ZNF516: variants seen among roughly 807,000 people sequenced by gnomAD.
The protein encoded by ZNF516 is zinc finger protein 516.
In ZNF516, 19 loss-of-function variants were observed where a neutral mutation model predicts 79.7. The observed-to-expected ratio is 0.24, with a 90% confidence interval of 0.17 to 0.35. ZNF516 has a LOEUF of 0.35. Ranked by LOEUF, ZNF516 falls within the 10% of genes least tolerant of loss-of-function variation. The probability of loss-of-function intolerance (pLI) is 1.00; values close to 1 mark genes in which losing one functional copy is unlikely to be tolerated. For synonymous variants in ZNF516, 877 were observed against 739.5 expected (o/e 1.19, Z -3.02); for missense variants, 1,678 against 1,679.5 (o/e 1.00, Z 0.02).
intron 3 of ZNF516, among the ~76,000 whole-genome samples, chr18:76,424,505 G>C (rs1599066673): frequency 7.0e-6 from 1 of 142,080 alleles, no homozygotes; most frequent in South Asian, 2.3e-4. Context: ...CAGGTGAAAA[G>C]GTTCCCCCAT....
In ZNF516 at chr18:76,391,063, C is replaced by G. The variant is rs960171029; in HGVS notation, c.1811-10760G>C. ...CACGAGGGAAGGAACCCAGGCACAG[C>G]AGGTACGGAAGGTGGGGACACCAGG... On this transcript the variant is annotated intron_variant, in intron 3 of 6. Coordinates refer to ENST00000443185, the MANE Select transcript of ZNF516 (RefSeq NM_014643.4). 2.0e-5 allele frequency among the ~76,000 whole-genome samples: 3 copies of G among 152,096 alleles called. No homozygotes were observed. In the East Asian group the frequency reaches 5.8e-4, roughly 29 times the overall value.
intron 1 of ZNF516, among the ~76,000 whole-genome samples, chr18:76,482,816 C>G (rs931106080): frequency 1.3e-5 from 2 of 152,112 alleles, no homozygotes; most frequent in Non-Finnish European, 2.9e-5. Context: ...GATACTCAAA[C>G]GAGCCTGCAA....
intron 1 of ZNF516, among the ~76,000 whole-genome samples, chr18:76,486,171 T>C (rs1316620427): frequency 6.6e-6 from 1 of 152,202 alleles, no homozygotes; most frequent in Admixed American, 6.5e-5. Context: ...CACCCTTAAG[T>C]ATCAACTGAG....
At chr18:76,418,176 C>T (rs2075457231) in intron 3 of ZNF516, among the ~76,000 whole-genome samples, 1 of 152,026 alleles carries the variant, frequency 6.6e-6, no homozygotes, top group Non-Finnish European at 1.5e-5. Context: ...GTAACACACG[C>T]TGCAACACAT....
rs748089031 is a variant in ZNF516 at position 76,442,232 on chromosome 18, C to A, written c.823G>T (p.Asp275Tyr). The A allele has an allele frequency of 6.2e-7, 1 of 1,613,744 alleles. No individual in the cohort carries two copies. Among genetic ancestry groups the A allele is most frequent in the Non-Finnish European group, 8.5e-7 (1 of 1,179,858 alleles). The change falls in exon 3 of 7, where the codon GAC becomes TAC. Residue 275 changes from aspartate (D) to tyrosine (Y), a missense_variant. Physicochemically the swap from Asp to Tyr is radical, Grantham distance 160. Around this residue, in one of 5 missense-constraint regions of ZNF516, gnomAD observed 17 missense variants for 51.8 expected, o/e 0.33. Transcript: ENST00000443185. ...CGGCCGCAGATGTGGCAGCCGTGGT[C>A]GAAGGAGCCCCGGTGCTTCTTCATG... ...AHMKKHRGSF[D>Y]HGCHICGRRF...
At chr18:76,462,427 G>A (rs894820334) in intron 2 of ZNF516, among the ~76,000 whole-genome samples, 3 of 152,204 alleles carry the variant, frequency 2.0e-5, no homozygotes, top group Admixed American at 6.5e-5. Flanking sequence ...AAACATCGCC[G>A]TCAGGGCAGG....
At chr18:76,444,593 G>A (rs539986972) in intron 2 of ZNF516, among the ~76,000 whole-genome samples, 1 of 152,306 alleles carries the variant, frequency 6.6e-6, no homozygotes, top group East Asian at 1.9e-4. Context: ...ACCTGGGGTG[G>A]CAGCTCCCTG....
At chr18:76,431,836 T>A (rs1408869528) in intron 3 of ZNF516, among the ~76,000 whole-genome samples, 1 of 152,136 alleles carries the variant, frequency 6.6e-6, no homozygotes, top group East Asian at 1.9e-4. Context: ...CCAAAATCAA[T>A]CTCTTTTCTT....
At chr18:76,369,200 G>A (rs1314308221) in intron 6 of ZNF516, among the ~76,000 whole-genome samples, 1 of 152,214 alleles carries the variant, frequency 6.6e-6, no homozygotes, top group Non-Finnish European at 1.5e-5. Flanking sequence ...CCTAACTGCA[G>A]TGGAGGTCAT....
intron 1 of ZNF516, among the ~76,000 whole-genome samples, chr18:76,476,320 GTCTC>G (rs778630827): frequency 6.6e-6 from 1 of 152,176 alleles, no homozygotes; most frequent in Non-Finnish European, 1.5e-5. Context: ...AAAGCAAAGT[GTCTC>G]TGTCTATCTT....
At position 76,467,151 on chromosome 18, in the gene ZNF516, C is replaced by G. The variant is rs2635519; in HGVS notation, c.-271-4010G>C. On this transcript the variant is annotated intron_variant, in intron 1 of 6. Transcript: ENST00000443185. This position sits in a 1 kb window ranked among gnomAD's most constrained non-coding sequence, Gnocchi z 4.2. ...TGCGTGTCTCTCGGAACCTGCAGCT[C>G]ACAGCCCTTCTGGGTTGGCAGGAAG... is the stretch of plus-strand genomic sequence containing the variant. 2.7e-5 allele frequency among the ~76,000 whole-genome samples: 4 copies of G among 146,216 alleles called. No individual in the cohort carries two copies. Among genetic ancestry groups the G allele is most frequent in the African/African-American group, 5.1e-5 (2 of 38,944 alleles).
At chr18:76,375,925 G>A (rs1293888932) in intron 4 of ZNF516, among the ~76,000 whole-genome samples, 1 of 151,596 alleles carries the variant, frequency 6.6e-6, no homozygotes, top group East Asian at 2.0e-4. Flanking sequence ...AGGCCCAAGA[G>A]ACCAGGTAGA....
intron 3 of ZNF516, among the ~76,000 whole-genome samples, chr18:76,397,263 C>T (rs534583888): frequency 1.1e-4 from 16 of 152,230 alleles, no homozygotes; most frequent in Admixed American, 7.8e-4. Flanking sequence ...GAATAATAAA[C>T]GCTGCTGCCA....
chr18:76,421,302 A>C (rs2075503681), intron 3 of ZNF516, among the ~76,000 whole-genome samples: 1 of 152,200 alleles, frequency 6.6e-6, no homozygotes, highest in African/African-American at 2.4e-5. Context: ...AGGGCAGCTG[A>C]GGCTCCGAGG....
chr18:76,458,836 T>TCGTGTGTGTGCGTGCCTCACCGC (rs1568310849), intron 2 of ZNF516, among the ~76,000 whole-genome samples: 2 of 145,198 alleles, frequency 1.4e-5, no homozygotes, highest in South Asian at 2.2e-4. Context: ...TGCCTCACCG[T>TCGTGTGTGTGCGTGCCTCACCGC]TGTGTGTGTG....
intron 3 of ZNF516, among the ~76,000 whole-genome samples, chr18:76,427,943 A>G (rs905767632): frequency 8.5e-5 from 13 of 152,234 alleles, no homozygotes; most frequent in Admixed American, 7.2e-4. Context: ...CAATTTTAGA[A>G]AATTTATAAT....
At chr18:76,477,563 GCTTT>G (rs1355870709) in intron 1 of ZNF516, among the ~76,000 whole-genome samples, 1 of 152,166 alleles carries the variant, frequency 6.6e-6, no homozygotes, top group Non-Finnish European at 1.5e-5. Flanking sequence ...AGGTTTTTGT[GCTTT>G]CTTTGTGGCA....
At chr18:76,371,393 A>T in intron 5 of ZNF516, 74 bp downstream of exon 5, 1 of 1,405,432 alleles carries the variant, frequency 7.1e-7, no homozygotes, top group Non-Finnish European at 9.7e-7. Flanking sequence ...CTCGCTGCGG[A>T]TGGTCAAGCC....
At chr18:76,404,793 A>G (rs150781666) in intron 3 of ZNF516, among the ~76,000 whole-genome samples, 7 of 151,624 alleles carry the variant, frequency 4.6e-5, no homozygotes, top group East Asian at 2.0e-4. Flanking sequence ...GTGTGAGCAT[A>G]TGTGTGCATG....
Sources: gnomAD v4.1 joint callset for allele counts (sites outside exome capture counted in the v4.1 genomes callset) on GRCh38, gnomAD v4.1.1 for gene constraint, gnomAD v4.1.1 regional missense constraint, Gnocchi (gnomAD v3.1) non-coding constraint, MANE v1.5 for transcripts, NCBI Gene and HGNC (gene_info 2026-07-23, HGNC 2026-07-21) for gene names.